Variants in NBR1 observed in about 807,000 individuals in gnomAD.
The protein encoded by NBR1 is next to BRCA1 gene 1 protein.
NBR1 carries 59 observed loss-of-function variants against 115.5 expected under a neutral mutation model. That is an observed-to-expected ratio of 0.51 (90% CI 0.41 to 0.63). The LOEUF (loss-of-function observed/expected upper bound fraction) is 0.63. Ranked by LOEUF, NBR1 falls within the 30% of genes least tolerant of loss-of-function variation. The pLI is 0.00. For synonymous variants in NBR1, 373 were observed against 414.7 expected (o/e 0.90, Z 1.22); for missense variants, 1,043 against 1,150.5 (o/e 0.91, Z 1.35).
chr17:43,196,914 G>A (rs1165585915), intron 15 of NBR1, 28 bp from the exon 16 acceptor site: 2 of 1,612,954 alleles, frequency 1.2e-6, no homozygotes, highest in South Asian at 1.1e-5. Flanking sequence ...TAAACACCCA[G>A]TGCAGATAAG....
At position 43,174,466 on chromosome 17, in the gene NBR1, C is replaced by T. The variant is rs182913856; in HGVS notation, c.-9-1325C>T. On this transcript the variant is annotated intron_variant, in intron 1 of 20. Transcript: ENST00000590996. ...CAAAAAAATTAGCCAGGCGTGGTGG[C>T]GGGCGCCTGTAGTCCCAGCTACTCA... 8.9e-4 allele frequency among the ~76,000 whole-genome samples: 136 copies of T among 151,974 alleles called. 1 individual carries two copies. Among genetic ancestry groups the T allele is most frequent in the Admixed American group, 3.3e-3 (50 of 15,266 alleles).
At chr17:43,187,116 A>C (rs2056821911) in intron 6 of NBR1, among the ~76,000 whole-genome samples, 2 of 152,184 alleles carry the variant, frequency 1.3e-5, no homozygotes, top group South Asian at 4.1e-4. Context: ...CAATGGTTGA[A>C]CTAATTTACA....
chr17:43,174,940 A>C (rs938372926), intron 1 of NBR1, among the ~76,000 whole-genome samples: 7 of 135,782 alleles, frequency 5.2e-5, no homozygotes, highest in Admixed American at 7.4e-5. Flanking sequence ...CCAAAAATAC[A>C]AAAAAAAAAA....
At chr17:43,172,407 T>A (rs1273156439) in intron 1 of NBR1, among the ~76,000 whole-genome samples, 3 of 152,170 alleles carry the variant, frequency 2.0e-5, no homozygotes, top group Non-Finnish European at 1.5e-5. Context: ...AATTGTGTAA[T>A]TTGAGAAAAA....
At position 43,188,415 on chromosome 17, in the gene NBR1, G is replaced by A. The variant is rs1050526806; in HGVS notation, c.403-627G>A. Among the ~76,000 whole-genome samples, 19 of 152,090 alleles carry A rather than the reference G, an allele frequency of 1.2e-4. No individual in the cohort carries two copies. The South Asian group carries it at 2.3e-3, about 18-fold the overall frequency. On this transcript the variant is annotated intron_variant, in intron 6 of 20. Transcript: ENST00000590996. ...TTTTCTCTCATTGTGTAGGTTGCCC[G>A]TTCACTCTGATGATAGTTTCTTTTG...
At chr17:43,184,324 G>A (rs1246267158) in intron 5 of NBR1, among the ~76,000 whole-genome samples, 2 of 147,220 alleles carry the variant, frequency 1.4e-5, no homozygotes, top group African/African-American at 5.0e-5. Context: ...CTCCCAAAGT[G>A]CTCGGATTAC....
In NBR1 at chr17:43,201,703, A is replaced by T; in HGVS notation, c.2486A>T (p.His829Leu). 6.2e-7 allele frequency: 1 copy of T among 1,604,836 alleles called. No homozygotes were observed. The highest frequency in any genetic ancestry group is 8.5e-7 in the Non-Finnish European group (1 of 1,171,626). Residue 829 changes from histidine (H) to leucine (L), a missense_variant, in exon 18 of 21, where the codon CAT (histidine) becomes CTT (leucine). Transcript: ENST00000590996. ...TCTGAAAGGAGCTCTCCTTGTGTACATCATCATGGTTCCCCAGGAGTGGAT... is the reference window on the plus strand; with the variant it reads ...TCTGAAAGGAGCTCTCCTTGTGTACTTCATCATGGTTCCCCAGGAGTGGAT... ...PSLPRSSPCVHHHGSPGVDLP... is the reference protein window; with the variant it reads ...PSLPRSSPCVLHHGSPGVDLP...
intron 20 of NBR1, among the ~76,000 whole-genome samples, chr17:43,206,055 A>G (rs2057309618): frequency 6.6e-6 from 1 of 151,492 alleles, no homozygotes. Context: ...ACGTGCCTGT[A>G]ATCCCAGCTA....
chr17:43,177,966 C>G lies in NBR1; in HGVS notation c.133C>G (p.Gln45Glu), dbSNP rs1011818515. The stretch of plus-strand genomic sequence containing the variant: ...AGTTTCATTTGATCTGAATACTATT[C>G]AAATAAAATACCTGGATGAGGAAAA... The part of the protein sequence containing the change: ...VKVSFDLNTI[Q>E]IKYLDEENEE... Residue 45 changes from glutamine (Q) to glutamate (E), a missense_variant, in exon 3 of 21, where the codon CAA becomes GAA. Coordinates refer to ENST00000590996, the MANE Select transcript of NBR1 (RefSeq NM_005899.5). 4 of 1,561,062 alleles carry G rather than the reference C, an allele frequency of 2.6e-6. No individual in the cohort carries two copies. The African/African-American group carries it at 5.4e-5, about 21-fold the overall frequency.
chr17:43,201,853 C>T, intron 18 of NBR1, 73 bp downstream of exon 18: 1 of 865,292 alleles, frequency 1.2e-6, no homozygotes, highest in Non-Finnish European at 1.9e-6. Flanking sequence ...AATAGCCTCT[C>T]TCTCTTCGTG....
At chr17:43,206,511 C>T (rs1209919029) in intron 20 of NBR1, among the ~76,000 whole-genome samples, 4 of 151,076 alleles carry the variant, frequency 2.6e-5, no homozygotes, top group South Asian at 2.1e-4. Flanking sequence ...CAAAAATTGC[C>T]GGGCGTGGTG....
intron 8 of NBR1, chr17:43,190,246 AT>A (rs1024357170): frequency 1.3e-5 from 4 of 317,764 alleles, no homozygotes; most frequent in African/African-American, 6.5e-5. Context: ...CCTTTTAATT[AT>A]TTTTTTGGAG....
At chr17:43,172,864 C>T (rs1239014914) in intron 1 of NBR1, among the ~76,000 whole-genome samples, 3 of 152,132 alleles carry the variant, frequency 2.0e-5, no homozygotes, top group Non-Finnish European at 4.4e-5. Flanking sequence ...CTTGCTCTGT[C>T]GCCCAGGCTG....
upstream of NBR1, chr17:43,170,613 T>C (rs2056328202): frequency 6.5e-6 from 1 of 152,678 alleles, no homozygotes; most frequent in Admixed American, 6.5e-5. Flanking sequence ...CCAGTTTAGG[T>C]AAATAAAAGG....
intron 2 of NBR1, among the ~76,000 whole-genome samples, chr17:43,177,299 G>A (rs537170124): frequency 5.1e-5 from 7 of 137,084 alleles, no homozygotes; most frequent in Admixed American, 1.5e-4. Context: ...GATATTTTTC[G>A]TTTTTTTTTT....
intron 18 of NBR1, among the ~76,000 whole-genome samples, chr17:43,202,191 A>AC (rs1411439780): frequency 2.0e-5 from 3 of 150,222 alleles, no homozygotes; most frequent in South Asian, 4.2e-4. Context: ...AAAAAAAAAA[A>AC]AAAAAACTTG....
chr17:43,183,971 CTAGT>C (rs2056737582), intron 5 of NBR1, among the ~76,000 whole-genome samples: 2 of 151,854 alleles, frequency 1.3e-5, no homozygotes, highest in Admixed American at 6.6e-5. Context: ...CCACACCTGG[CTAGT>C]TATTTTTATT....
intron 1 of NBR1, among the ~76,000 whole-genome samples, chr17:43,171,600 A>G (rs2056371495): frequency 1.3e-5 from 2 of 152,306 alleles, no homozygotes; most frequent in South Asian, 2.1e-4. Flanking sequence ...CCCTCGGGGT[A>G]GTGACACTGT....
In NBR1 at chr17:43,193,335, C is replaced by CTG; in HGVS notation, c.1234-11_1234-10dup. 3 of 1,612,842 alleles carry CTG rather than the reference C, an allele frequency of 1.9e-6. No homozygotes were observed. Among genetic ancestry groups the CTG allele is most frequent in the Non-Finnish European group, 2.5e-6 (3 of 1,178,974 alleles). ...CTGACAAGCTTGCTTTCTCTTCTTA[C>CTG]TGTTCTTTTCAGCTCAAGTTCATGT... On this transcript the variant is annotated splice_polypyrimidine_tract_variant and intron_variant, in intron 11 of 20. Transcript: ENST00000590996.
Sources: gnomAD v4.1 joint callset for allele counts (sites outside exome capture counted in the v4.1 genomes callset) on GRCh38, gnomAD v4.1.1 for gene constraint, MANE v1.5 for transcripts, NCBI Gene and HGNC (gene_info 2026-07-23, HGNC 2026-07-21) for gene names.